Variants in PMFBP1 observed in about 807,000 individuals in gnomAD.
PMFBP1 encodes the protein polyamine modulated factor 1 binding protein 1, also known as polyamine-modulated factor 1-binding protein 1.
PMFBP1 carries 131 observed loss-of-function variants against 137.8 expected under a neutral mutation model. The observed-to-expected ratio is 0.95, with a 90% CI of 0.82 to 1.10. The LOEUF (loss-of-function observed/expected upper bound fraction) is 1.10, where lower values mean the gene tolerates loss of function less well. PMFBP1 is among the 50% of genes least tolerant of loss of function. The probability of loss-of-function intolerance (pLI) is 0.00; values close to 1 mark genes in which losing one functional copy is unlikely to be tolerated. For synonymous variants in PMFBP1, 490 were observed against 450.4 expected (o/e 1.09, Z -1.11); for missense variants, 1,199 against 1,175.4 (o/e 1.02, Z -0.29).
Position 72,150,786 on chromosome 16 carries a change from G to T in PMFBP1, c.458C>A (p.Thr153Lys). 6.2e-7 allele frequency: 1 copy of T among 1,614,160 alleles called. No homozygotes were observed. Residue 153 changes from threonine (T) to lysine (K), a missense_variant, in exon 5 of 21, where the codon ACA becomes AAA. Physicochemically the swap from Thr to Lys is moderately conservative, Grantham distance 78 (BLOSUM62 -1). Transcript: ENST00000237353. ...CTGCGCCAAATGGAGCTTCTCCCCTGTGTTCTCGTTGTGATTTCCCATTTC... is the reference window on the plus strand; with the variant it reads ...CTGCGCCAAATGGAGCTTCTCCCCTTTGTTCTCGTTGTGATTTCCCATTTC... ...EEEMGNHNENTGEKLHLAQEQ... is the reference protein window; with the variant it reads ...EEEMGNHNENKGEKLHLAQEQ...
chr16:72,177,467 C>T (rs563412221), upstream of PMFBP1, among the ~76,000 whole-genome samples: 7 of 152,244 alleles, frequency 4.6e-5, no homozygotes, highest in African/African-American at 1.7e-4. Flanking sequence ...CTTTGTCTCT[C>T]CCCAAAGGTA....
the PMFBP1 span, among the ~76,000 whole-genome samples, chr16:72,246,253 T>C: frequency 1.3e-5 from 2 of 152,180 alleles, no homozygotes; most frequent in Non-Finnish European, 2.9e-5. Flanking sequence ...GTGATGTGTG[T>C]TCTAAGCTCA....
At chr16:72,181,187 C>A (rs2043275180), upstream of PMFBP1, among the ~76,000 whole-genome samples, 1 of 151,418 alleles carries the variant, frequency 6.6e-6, no homozygotes, top group Non-Finnish European at 1.5e-5. Flanking sequence ...TGCAGTGAGC[C>A]CAGATCGAGC....
In PMFBP1 at chr16:72,129,095, G is replaced by A. The variant is rs1044938996; in HGVS notation, c.1921C>T (p.Arg641Trp). The A allele has an allele frequency of 5.0e-6, 8 of 1,613,664 alleles. No homozygotes were observed. Among genetic ancestry groups the A allele is most frequent in the Admixed American group, 1.7e-5 (1 of 59,890 alleles). ...KLMEGELEAL[R>W]QEFKKKDKTL... ...TTGTCTTTCTTTTTAAATTCCTGCCGCAAAGCTTCAAGTTCTCCCTCCATC... is the reference window on the plus strand; with the variant it reads ...TTGTCTTTCTTTTTAAATTCCTGCCACAAAGCTTCAAGTTCTCCCTCCATC... The change falls in exon 13 of 21, where the codon CGG becomes TGG. Residue 641 changes from arginine (R) to tryptophan (W), a missense_variant. Transcript: ENST00000237353.
chr16:72,145,403 G>A (rs981741458), intron 5 of PMFBP1, among the ~76,000 whole-genome samples: 2 of 152,124 alleles, frequency 1.3e-5, no homozygotes, highest in African/African-American at 4.8e-5. Flanking sequence ...GAAATTTATA[G>A]CACTAAATCC....
the PMFBP1 span, among the ~76,000 whole-genome samples, chr16:72,227,786 A>G: frequency 6.6e-6 from 1 of 152,206 alleles, no homozygotes; most frequent in African/African-American, 2.4e-5. Context: ...AAATATTGAT[A>G]ATATTCACCA....
the PMFBP1 span, among the ~76,000 whole-genome samples, chr16:72,192,760 G>T: frequency 6.6e-6 from 1 of 152,052 alleles, no homozygotes; most frequent in African/African-American, 2.4e-5. Flanking sequence ...AAATTAGCCA[G>T]GTGTGGTGGC....
chr16:72,128,943 C>A, intron 13 of PMFBP1, 123 bp downstream of exon 13: 1 of 1,510,296 alleles, frequency 6.6e-7, no homozygotes, highest in Non-Finnish European at 8.9e-7. Context: ...TGGCCTTTCC[C>A]ACTGTCCCTC....
chr16:72,210,547 G>A, the PMFBP1 span, among the ~76,000 whole-genome samples: 1 of 152,114 alleles, frequency 6.6e-6, no homozygotes, highest in Non-Finnish European at 1.5e-5. Flanking sequence ...CCCCAATTAG[G>A]AGGATGGAGT....
At chr16:72,170,060 GA>G (rs1200730560) in intron 2 of PMFBP1, among the ~76,000 whole-genome samples, 1 of 151,946 alleles carries the variant, frequency 6.6e-6, no homozygotes, top group African/African-American at 2.4e-5. Flanking sequence ...TATCATTTGA[GA>G]AATTATTCTA....
chr16:72,187,670 T>C, the PMFBP1 span, among the ~76,000 whole-genome samples: 1 of 152,202 alleles, frequency 6.6e-6, no homozygotes, highest in East Asian at 1.9e-4. Context: ...TGTTGGAAAA[T>C]ACTTTCTGAT....
upstream of PMFBP1, among the ~76,000 whole-genome samples, chr16:72,176,592 G>A (rs1596985778): frequency 6.6e-6 from 1 of 152,208 alleles, no homozygotes; most frequent in Non-Finnish European, 1.5e-5. Context: ...CTAATGGCTT[G>A]TAATGCTGAC....
At chr16:72,234,346 C>T in the PMFBP1 span, among the ~76,000 whole-genome samples, 1 of 152,164 alleles carries the variant, frequency 6.6e-6, no homozygotes, top group Non-Finnish European at 1.5e-5. Context: ...GCAAGGAGGA[C>T]AATGAGCAGA....
rs1369087837 is a variant in PMFBP1 at position 72,164,850 on chromosome 16, T to C, written c.79A>G (p.Lys27Glu). 2 of 1,609,992 alleles carry C rather than the reference T, an allele frequency of 1.2e-6. No homozygotes were observed. The highest frequency in any genetic ancestry group is 1.7e-6 in the Non-Finnish European group (2 of 1,176,646). The change falls in exon 3 of 21, where the codon AAG becomes GAG. Residue 27 changes from lysine (K) to glutamate (E), a missense_variant. Lys to Glu is a moderately conservative substitution (Grantham distance 56, BLOSUM62 1). Transcript: ENST00000237353. ...CTCTTGCAGACATCGTGCAGATTCT[T>C]GATGTCAAGTTGCAGGCTTAACAGC... ...SKLLSLQLDI[K>E]NLHDVCKRQR...
the PMFBP1 span, among the ~76,000 whole-genome samples, chr16:72,232,395 C>G: frequency 6.6e-6 from 1 of 152,148 alleles, no homozygotes; most frequent in Non-Finnish European, 1.5e-5. Flanking sequence ...TGTGCTTAAA[C>G]ATCAGAAGGA....
At chr16:72,137,611 G>A (rs2042652342) in intron 7 of PMFBP1, among the ~76,000 whole-genome samples, 2 of 152,176 alleles carry the variant, frequency 1.3e-5, no homozygotes, top group Non-Finnish European at 2.9e-5. Flanking sequence ...AGTGCGGCTG[G>A]CACGGAGCAG....
At chr16:72,224,649 A>G in the PMFBP1 span, 1 of 152,446 alleles carries the variant, frequency 6.6e-6, no homozygotes, top group African/African-American at 2.4e-5. Flanking sequence ...TTCTTCAAAC[A>G]CCAGCCCAAA....
the PMFBP1 span, among the ~76,000 whole-genome samples, chr16:72,231,356 A>G: frequency 1.1e-4 from 16 of 152,164 alleles, no homozygotes; most frequent in Non-Finnish European, 2.1e-4. Context: ...CATGACCACA[A>G]CGAACCCCAA....
At chr16:72,238,827 A>G in the PMFBP1 span, among the ~76,000 whole-genome samples, 1 of 152,160 alleles carries the variant, frequency 6.6e-6, no homozygotes, top group Non-Finnish European at 1.5e-5. Flanking sequence ...CCCATGGAGC[A>G]ATGTCTAGAG....
Sources: allele counts gnomAD v4.1 joint callset (sites outside exome capture counted in the v4.1 genomes callset), GRCh38; gene constraint gnomAD v4.1.1; transcripts MANE v1.5; gene names NCBI Gene and HGNC (gene_info 2026-07-23, HGNC 2026-07-21).